The following MMP26 variants were observed in gnomAD, a reference collection of about 807,000 sequenced individuals.
MMP26 encodes the protein matrix metallopeptidase 26.
MMP26 carries 33 observed loss-of-function variants against 31.0 expected under a neutral mutation model. That is an observed-to-expected ratio of 1.06 (90% confidence interval 0.81 to 1.42). MMP26 has a LOEUF of 1.42. MMP26 is among the 40% of genes most tolerant of loss of function. The pLI, the probability that MMP26 is intolerant of heterozygous loss-of-function variation, is 0.00. For synonymous variants in MMP26, 122 were observed against 114.9 expected, an observed-to-expected ratio of 1.06 and a Z score of -0.40; for missense variants, 347 against 316.1, an observed-to-expected ratio of 1.10 and a Z score of -0.74.
rs547507311 is a variant in MMP26 at position 4,809,878 on chromosome 11, C to T, written c.-145+42537C>T. Among the ~76,000 whole-genome samples the T allele has an allele frequency of 5.3e-5, 8 of 152,272 alleles. No individual in the cohort carries two copies. In the South Asian group the frequency reaches 1.0e-3, roughly 20 times the overall value. ...ATGCTTTCTGTGATGGGCAGAGGTG[C>T]CTGAAGTACAGATGATCACTCACCC... On this transcript the variant is annotated intron_variant, in intron 2 of 7. Coordinates refer to ENST00000380390, the MANE Select transcript of MMP26 (RefSeq NM_021801.5).
chr11:4,745,935 AG>A (rs1450112878), intron 1 of MMP26, among the ~76,000 whole-genome samples: 1 of 152,188 alleles, frequency 6.6e-6, no homozygotes, highest in Non-Finnish European at 1.5e-5. Context: ...ATGGCTTGAT[AG>A]CTAATTTTAA....
At chr11:4,728,658 T>C (rs1016825282) in intron 1 of MMP26, among the ~76,000 whole-genome samples, 3 of 152,340 alleles carry the variant, frequency 2.0e-5, no homozygotes, top group South Asian at 2.1e-4. Context: ...ACAAATATGA[T>C]CTAAGGCAAA....
rs183295845 is a variant in MMP26, at chr11:4,715,912, G to A, written c.-217+10867G>A. Among the ~76,000 whole-genome samples the A allele has an allele frequency of 7.9e-5, 12 of 152,288 alleles. 1 individual carries two copies. The highest frequency in any genetic ancestry group is 2.9e-4 in the African/African-American group (12 of 41,568). ...ATGTAACTAAGGTCCCTGATTACTTGACTTTGAGTTAATCAAAAGGAAGAC... is the reference window on the plus strand; with the variant it reads ...ATGTAACTAAGGTCCCTGATTACTTAACTTTGAGTTAATCAAAAGGAAGAC... On this transcript the variant is annotated intron_variant, in intron 1 of 7. Transcript: ENST00000380390.
chr11:4,938,257 C>A (rs1846157015), intron 2 of MMP26: 1 of 152,098 alleles, frequency 6.6e-6, no homozygotes, highest in African/African-American at 2.4e-5. Flanking sequence ...AAGGAGGAAT[C>A]TAAGGACTTC....
intron 1 of MMP26, chr11:4,719,222 C>G (rs2133272990): frequency 6.5e-6 from 1 of 154,654 alleles, no homozygotes; most frequent in Non-Finnish European, 1.5e-5. Flanking sequence ...GGGCTGACTG[C>G]CCTGATTACC....
At chr11:4,746,239 C>T (rs998898590) in intron 1 of MMP26, among the ~76,000 whole-genome samples, 3 of 152,046 alleles carry the variant, frequency 2.0e-5, no homozygotes, top group African/African-American at 7.2e-5. Flanking sequence ...GTTCTTTCTT[C>T]CTATTTCTAT....
chr11:4,989,827 G>A lies in MMP26; in HGVS notation c.279G>A (p.Ser93=), dbSNP rs149405690. Residue 93 remains serine, a synonymous_variant, in exon 4 of 8, where the codon TCG becomes TCA. Coordinates refer to ENST00000380390, the MANE Select transcript of MMP26 (RefSeq NM_021801.5). ...GVPDGSDTSI[S]PGRCKWNKHT... ...CTGATGGGTCCGACACCTCCATCTC[G>A]CCAGGAAGATGCAAGTGGAATAAGC... 9.2e-5 allele frequency: 148 copies of A among 1,612,224 alleles called. 1 individual carries two copies. Among genetic ancestry groups the A allele is most frequent in the South Asian group, 8.7e-4 (79 of 91,078 alleles).
intron 2 of MMP26, among the ~76,000 whole-genome samples, chr11:4,834,678 C>G (rs1849692167): frequency 6.6e-6 from 1 of 152,142 alleles, no homozygotes; most frequent in African/African-American, 2.4e-5. Context: ...GGAACAGGTC[C>G]TCTGGTTTCA....
At chr11:4,815,594 TAGAC>T (rs1164684793) in intron 2 of MMP26, among the ~76,000 whole-genome samples, 1 of 152,142 alleles carries the variant, frequency 6.6e-6, no homozygotes, top group East Asian at 1.9e-4. Flanking sequence ...AAAGAAATTT[TAGAC>T]AGGGAACACA....
intron 2 of MMP26, among the ~76,000 whole-genome samples, chr11:4,780,795 A>G (rs1159678091): frequency 6.6e-6 from 1 of 151,888 alleles, no homozygotes; most frequent in Non-Finnish European, 1.5e-5. Context: ...ACTAGAAATA[A>G]CACAGATGGG....
intron 2 of MMP26, among the ~76,000 whole-genome samples, chr11:4,885,543 A>ATAGGCTATATCATAGGTATGTAG (rs1254887923): frequency 6.6e-6 from 1 of 152,138 alleles, no homozygotes; most frequent in African/African-American, 2.4e-5. Flanking sequence ...TCTAGGAGCA[A>ATAGGCTATATCATAGGTATGTAG]TAGGCTATAT....
chr11:4,761,444 G>T (rs916077615), intron 1 of MMP26, among the ~76,000 whole-genome samples: 2 of 152,172 alleles, frequency 1.3e-5, no homozygotes, highest in African/African-American at 4.8e-5. Context: ...AATCTTAATT[G>T]TAGAGTCATT....
chr11:4,847,953 T>A (rs539796916), intron 2 of MMP26: 1 of 365,480 alleles, frequency 2.7e-6, no homozygotes, highest in South Asian at 7.6e-5. Flanking sequence ...CTAACAACAA[T>A]AAGATAACAA....
intron 2 of MMP26, chr11:4,945,083 T>C (rs1846273485): frequency 1.3e-5 from 2 of 152,000 alleles, no homozygotes; most frequent in South Asian, 2.1e-4. Flanking sequence ...ATAAAATATA[T>C]CTGTAATTGC....
intron 2 of MMP26, among the ~76,000 whole-genome samples, chr11:4,813,260 T>C (rs1564915840): frequency 1.3e-5 from 2 of 152,176 alleles, no homozygotes; most frequent in Non-Finnish European, 1.5e-5. Flanking sequence ...ATCTAGACAC[T>C]TACCCTAAAG....
chr11:4,833,141 A>T (rs1387005140), intron 2 of MMP26: 1 of 152,210 alleles, frequency 6.6e-6, no homozygotes, highest in African/African-American at 2.4e-5. Flanking sequence ...TGTTTCATCC[A>T]AATAGGAAAT....
intron 1 of MMP26, chr11:4,752,017 A>C (rs1848452633): frequency 6.6e-6 from 1 of 152,180 alleles, no homozygotes; most frequent in Non-Finnish European, 1.5e-5. Context: ...AAGCCTTTAT[A>C]GGAGTAGTAC....
intron 2 of MMP26, among the ~76,000 whole-genome samples, chr11:4,815,752 C>T (rs1341903007): frequency 6.6e-6 from 1 of 151,990 alleles, no homozygotes; most frequent in East Asian, 1.9e-4. Flanking sequence ...GTAAAATAAT[C>T]CCAGGAATAC....
intron 2 of MMP26, chr11:4,803,980 C>A: frequency 6.2e-7 from 1 of 1,613,584 alleles, no homozygotes. Flanking sequence ...GCTAGAGTGT[C>A]GGAGTGGGAA....
Sources: gnomAD v4.1 joint callset for allele counts (sites outside exome capture counted in the v4.1 genomes callset) on GRCh38, gnomAD v4.1.1 for gene constraint, MANE v1.5 for transcripts, NCBI Gene and HGNC (gene_info 2026-07-23, HGNC 2026-07-21) for gene names.